Variants in FAM178B observed in about 807,000 individuals in gnomAD.
The protein encoded by FAM178B is protein FAM178B.
Under a neutral mutation model 91.7 loss-of-function variants are expected in FAM178B, and 82 were observed. The observed-to-expected ratio is 0.89, with a 90% CI of 0.75 to 1.07. The LOEUF (loss-of-function observed/expected upper bound fraction) is 1.07, where lower values mean the gene tolerates loss of function less well. FAM178B is among the 50% of genes least tolerant of loss of function. FAM178B has a pLI of 0.00. For missense variants in FAM178B, 769 were observed against 846.7 expected, an observed-to-expected ratio of 0.91 and a Z score of 1.14; for synonymous variants, 368 against 359.4, an observed-to-expected ratio of 1.02 and a Z score of -0.27.
chr2:96,954,853 C>T (rs2081976608), intron 6 of FAM178B, among the ~76,000 whole-genome samples: 1 of 152,106 alleles, frequency 6.6e-6, no homozygotes, highest in Non-Finnish European at 1.5e-5. Flanking sequence ...AATTTGAGAC[C>T]AGCCTAGGCA....
intron 6 of FAM178B, among the ~76,000 whole-genome samples, chr2:96,952,656 G>A (rs1243115810): frequency 6.6e-6 from 1 of 152,178 alleles, no homozygotes; most frequent in Non-Finnish European, 1.5e-5. Context: ...ATAGGGGGTT[G>A]GCTGGACTTT....
At chr2:96,941,796 C>CT (rs973558635) in intron 8 of FAM178B, among the ~76,000 whole-genome samples, 77 of 152,194 alleles carry the variant, frequency 5.1e-4, no homozygotes, top group African/African-American at 1.8e-3. Flanking sequence ...AGCTCTACTC[C>CT]TTTCTAAAGC....
At chr2:96,977,956 AG>A (rs775493839) in intron 1 of FAM178B, 5 of 349,140 alleles carry the variant, frequency 1.4e-5, no homozygotes, top group South Asian at 5.6e-5. Flanking sequence ...CGGGCGGGGG[AG>A]GGGGGCGACC....
chr2:96,978,677 T>G (rs1168562696), intron 1 of FAM178B, among the ~76,000 whole-genome samples: 1 of 150,602 alleles, frequency 6.6e-6, no homozygotes, highest in Non-Finnish European at 1.5e-5. Context: ...CAGGCTGGAG[T>G]GCAGCGGCGT....
intron 14 of FAM178B, among the ~76,000 whole-genome samples, 200 bp downstream of exon 14, chr2:96,893,726 G>A (rs966955870): frequency 1.3e-5 from 2 of 152,088 alleles, no homozygotes; most frequent in Non-Finnish European, 2.9e-5. Flanking sequence ...CCTGCGGCAC[G>A]GGTAACAGCA....
chr2:96,977,271 G>A (rs1337037402), intron 1 of FAM178B, among the ~76,000 whole-genome samples: 1 of 144,942 alleles, frequency 6.9e-6, no homozygotes, highest in Non-Finnish European at 1.5e-5. Context: ...TGTAATCCCC[G>A]CTATTCAGCA....
At chr2:96,959,345 T>C (rs1160354193) in intron 6 of FAM178B, among the ~76,000 whole-genome samples, 1 of 152,136 alleles carries the variant, frequency 6.6e-6, no homozygotes, top group African/African-American at 2.4e-5. Flanking sequence ...TGGTTCTCTA[T>C]ACTTTGATAT....
chr2:96,961,758 A>G (rs565570936), intron 5 of FAM178B, among the ~76,000 whole-genome samples: 174 of 152,210 alleles, frequency 1.1e-3, no homozygotes, highest in African/African-American at 3.9e-3. Context: ...CCAACCTAGC[A>G]CATGGAACCT....
rs141309241 is a variant in FAM178B, at chr2:96,927,680, C to T, written c.1193+1526G>A. The stretch of plus-strand genomic sequence containing the variant: ...GCCTCTGGAGACAACGGATTTGTCA[C>T]GCAGCATGAAGGGCAAGCCGCAGTC... On this transcript the variant is annotated intron_variant, in intron 9 of 16. Transcript: ENST00000490605. 5.8e-4 allele frequency among the ~76,000 whole-genome samples: 89 copies of T among 152,348 alleles called. 1 individual carries two copies. The East Asian group carries it at 9.2e-3, about 16-fold the overall frequency.
chr2:96,935,994 T>C (rs879734973), intron 8 of FAM178B, among the ~76,000 whole-genome samples: 2 of 151,938 alleles, frequency 1.3e-5, no homozygotes, highest in African/African-American at 2.4e-5. Context: ...TGGACTTCAG[T>C]TAATAATGTA....
At chr2:96,964,523 C>T (rs1319279766) in intron 5 of FAM178B, among the ~76,000 whole-genome samples, 1 of 152,178 alleles carries the variant, frequency 6.6e-6, no homozygotes, top group Non-Finnish European at 1.5e-5. Flanking sequence ...GCTGGGGCCA[C>T]CTCCTCCCCT....
At chr2:96,912,991 G>A (rs769814152) in intron 12 of FAM178B, among the ~76,000 whole-genome samples, 2 of 152,242 alleles carry the variant, frequency 1.3e-5, no homozygotes, top group African/African-American at 2.4e-5. Flanking sequence ...GCAGGAGCTC[G>A]AGGGAGATGT....
intron 1 of FAM178B, among the ~76,000 whole-genome samples, chr2:96,977,121 G>A (rs1304307801): frequency 6.7e-6 from 1 of 150,174 alleles, no homozygotes; most frequent in African/African-American, 2.5e-5. Flanking sequence ...CTTGAACCCG[G>A]GAGGCAGAGG....
chr2:96,977,399 A>G (rs982206955), intron 1 of FAM178B, among the ~76,000 whole-genome samples: 9 of 150,014 alleles, frequency 6.0e-5, no homozygotes, highest in African/African-American at 1.2e-4. Flanking sequence ...AAAAAAAAAA[A>G]AAAAGAAAAA....
intron 1 of FAM178B, 95 bp from the exon 2 acceptor site, chr2:96,972,701 T>C: frequency 8.2e-7 from 1 of 1,220,086 alleles, no homozygotes. Flanking sequence ...CTGGGCCCAC[T>C]GTGCCCAAGA....
In FAM178B at chr2:96,972,251, C is replaced by G; in HGVS notation, c.214G>C (p.Asp72His). ...CGGGCAGGGCAGCGGGGCCCCTGGT[C>G]CAGGGGATGGTCTGACAAGCCATCC... The part of the protein sequence containing the change: ...LEDGLSDHPL[D>H]QGPRCPARRP... Residue 72 changes from aspartate to histidine, a missense_variant, in exon 3 of 17, where the codon GAC becomes CAC. Coordinates refer to ENST00000490605, the MANE Select transcript of FAM178B (RefSeq NM_001122646.3). The G allele has an allele frequency of 4.6e-6, 7 of 1,510,598 alleles. No individual in the cohort carries two copies. The highest frequency in any genetic ancestry group is 5.3e-6 in the Non-Finnish European group (6 of 1,130,092). The allele number at this position is 1,510,598 out of a possible 1,614,324, so 93.6% of individuals were successfully genotyped here.
At position 96,951,486 on chromosome 2, in the gene FAM178B, T is replaced by TG. The variant is rs2081927155; in HGVS notation, c.888-3dup. The TG allele has an allele frequency of 1.3e-6, 2 of 1,547,812 alleles. No homozygotes were observed. Among genetic ancestry groups the TG allele is most frequent in the South Asian group, 1.2e-5 (1 of 83,936 alleles). On this transcript the variant is annotated splice_region_variant and splice_polypyrimidine_tract_variant and intron_variant, in intron 6 of 16. Coordinates refer to ENST00000490605, the MANE Select transcript of FAM178B (RefSeq NM_001122646.3). ...GAGAGCTGTTGGGCTGGCGGGGAGCTGGGAGGCAGAGGGCTGAGGTTAGGG... is the reference window on the plus strand; with the variant it reads ...GAGAGCTGTTGGGCTGGCGGGGAGCTGGGGAGGCAGAGGGCTGAGGTTAGGG...
At chr2:96,921,032 T>C in intron 12 of FAM178B, 133 bp downstream of exon 12, 1 of 680,556 alleles carries the variant, frequency 1.5e-6, no homozygotes, top group Non-Finnish European at 2.6e-6. Flanking sequence ...GTTATATTTT[T>C]AGTTCTCCCT....
chr2:96,890,205 G>A (rs2080637723), intron 14 of FAM178B, among the ~76,000 whole-genome samples: 1 of 152,166 alleles, frequency 6.6e-6, no homozygotes, highest in East Asian at 1.9e-4. Context: ...AACCTGGGAG[G>A]TGGAGGTTGC....
Sources: gnomAD v4.1 joint callset for allele counts (sites outside exome capture counted in the v4.1 genomes callset) on GRCh38, gnomAD v4.1.1 for gene constraint, MANE v1.5 for transcripts, NCBI Gene and HGNC (gene_info 2026-07-23, HGNC 2026-07-21) for gene names.